TCEANC2: variants seen among roughly 807,000 people sequenced by gnomAD.
TCEANC2 encodes the protein transcription elongation factor A N-terminal and central domain-containing protein 2.
TCEANC2 carries 20 observed loss-of-function variants against 22.8 expected under a neutral mutation model. That is an observed-to-expected ratio of 0.88 (90% confidence interval 0.62 to 1.28). TCEANC2 has a LOEUF of 1.28. TCEANC2 is among the 50% of genes most tolerant of loss of function. The pLI is 0.00. For synonymous variants in TCEANC2, 84 were observed against 95.5 expected (o/e 0.88, Z 0.70); for missense variants, 251 against 249.7 (o/e 1.01, Z -0.03).
At chr1:54,077,882 C>A (rs1658170878) in intron 3 of TCEANC2, among the ~76,000 whole-genome samples, 1 of 152,136 alleles carries the variant, frequency 6.6e-6, no homozygotes, top group African/African-American at 2.4e-5. Flanking sequence ...CCATAAAGCT[C>A]AGCCCTTAGT....
chr1:54,092,011 T>C (rs1257068323), intron 4 of TCEANC2, among the ~76,000 whole-genome samples: 3 of 152,236 alleles, frequency 2.0e-5, no homozygotes, highest in African/African-American at 7.2e-5. Context: ...TATGGGACTA[T>C]TAGTTTTTTC....
rs1461575426 is a variant in TCEANC2 at position 54,103,890 on chromosome 1, GATAGATTATGGGATCT to G, written c.*7432_*7447del. Reference sequence around the variant, plus strand: ...GCTTATAGAATGTTTAATCTACTGGGATAGATTATGGGATCTATAGATTATGGGATAGTCATACAGG... The same window carrying G: ...GCTTATAGAATGTTTAATCTACTGGGATAGATTATGGGATAGTCATACAGG... On this transcript the variant is annotated 3_prime_UTR_variant, in exon 5 of 5. Transcript: ENST00000234827. The G allele has an allele frequency of 2.0e-5, 3 of 152,212 alleles. No individual in the cohort carries two copies. The highest frequency in any genetic ancestry group is 7.2e-5 in the African/African-American group (3 of 41,430). 9.4% of individuals were successfully genotyped at this position (152,212 alleles called of 1,614,324 possible). A position where few individuals can be genotyped will look rare whatever the true frequency, so the allele number is the denominator to read the frequency against.
intron 3 of TCEANC2, among the ~76,000 whole-genome samples, chr1:54,075,099 T>C (rs751353569): frequency 2.0e-5 from 3 of 152,228 alleles, no homozygotes; most frequent in Admixed American, 6.5e-5. Context: ...TTTTATAGAA[T>C]CTATATTCAT....
At chr1:54,073,203 G>A (rs1336005337) in intron 3 of TCEANC2, among the ~76,000 whole-genome samples, 1 of 152,210 alleles carries the variant, frequency 6.6e-6, no homozygotes, top group Non-Finnish European at 1.5e-5. Context: ...CTGTACCCAA[G>A]TGATCCTCCT....
intron 3 of TCEANC2, among the ~76,000 whole-genome samples, chr1:54,070,331 G>T (rs985765614): frequency 6.6e-6 from 1 of 152,114 alleles, no homozygotes; most frequent in Non-Finnish European, 1.5e-5. Context: ...ACATGTATAT[G>T]TGTACATATG....
chr1:54,079,523 T>G (rs1658201138), intron 3 of TCEANC2, among the ~76,000 whole-genome samples: 1 of 152,216 alleles, frequency 6.6e-6, no homozygotes, highest in African/African-American at 2.4e-5. Flanking sequence ...AGTTGCCTTT[T>G]CTAGTTTCTA....
intron 4 of TCEANC2, among the ~76,000 whole-genome samples, chr1:54,094,178 C>T (rs1439613046): frequency 6.6e-6 from 1 of 152,214 alleles, no homozygotes; most frequent in Non-Finnish European, 1.5e-5. Context: ...AGGCAGATAT[C>T]TGGGCCTGGA....
At chr1:54,108,822 A>G (rs1360954501), downstream of TCEANC2, among the ~76,000 whole-genome samples, 1 of 151,958 alleles carries the variant, frequency 6.6e-6, no homozygotes, top group Non-Finnish European at 1.5e-5. Flanking sequence ...AATACAAAAA[A>G]TTAGCCGGGC....
At chr1:54,085,007 T>C (rs565609890) in intron 3 of TCEANC2, among the ~76,000 whole-genome samples, 1 of 152,326 alleles carries the variant, frequency 6.6e-6, no homozygotes, top group South Asian at 2.1e-4. Context: ...GAAGCACCTT[T>C]AGACATTTCT....
intron 4 of TCEANC2, among the ~76,000 whole-genome samples, chr1:54,092,831 T>C (rs923960185): frequency 6.6e-6 from 1 of 152,330 alleles, no homozygotes; most frequent in South Asian, 2.1e-4. Context: ...AAGGTGGTCA[T>C]GTTTTATATC....
intron 3 of TCEANC2, among the ~76,000 whole-genome samples, chr1:54,075,640 T>C (rs1265808251): frequency 6.6e-6 from 1 of 152,180 alleles, no homozygotes; most frequent in African/African-American, 2.4e-5. Context: ...GCTTGGAAAA[T>C]GCCACATTAC....
intron 2 of TCEANC2, among the ~76,000 whole-genome samples, chr1:54,060,003 C>A (rs1657821289): frequency 6.6e-6 from 1 of 152,046 alleles, no homozygotes; most frequent in East Asian, 1.9e-4. Context: ...TGTGGTGGCT[C>A]ATGCCTATAA....
Position 54,094,438 on chromosome 1 carries a change from ACACCTATTT to A in TCEANC2, c.439-1840_439-1832del, listed in dbSNP as rs1369744404. On this transcript the variant is annotated intron_variant, in intron 4 of 4. Transcript: ENST00000234827. ...GCTCAGTGAATTTATCACAAAGTAA[ACACCTATTT>A]CACCTAGCCAGATCCTACTCATGCT... Among the ~76,000 whole-genome samples, 3 of 152,318 alleles carry A rather than the reference ACACCTATTT, an allele frequency of 2.0e-5. No homozygotes were observed. The East Asian group carries it at 5.8e-4, about 29-fold the overall frequency.
chr1:54,054,637 A>G, intron 2 of TCEANC2, 113 bp downstream of exon 2: 1 of 1,058,358 alleles, frequency 9.4e-7, no homozygotes, highest in Non-Finnish European at 1.3e-6. Context: ...CCTCCTCCTC[A>G]AAGTGTACCT....
At chr1:54,055,229 G>A (rs1657728021) in intron 2 of TCEANC2, among the ~76,000 whole-genome samples, 1 of 152,160 alleles carries the variant, frequency 6.6e-6, no homozygotes, top group African/African-American at 2.4e-5. Context: ...GTCTCCCAAA[G>A]TGCTGAGATT....
chr1:54,084,742 G>C (rs908964338), intron 3 of TCEANC2, among the ~76,000 whole-genome samples: 6 of 151,760 alleles, frequency 4.0e-5, no homozygotes, highest in Non-Finnish European at 5.9e-5. Flanking sequence ...ACTGCACTCC[G>C]GCCTGGGTGA....
At position 54,059,092 on chromosome 1, in the gene TCEANC2, G is replaced by A. The variant is rs541837713; in HGVS notation, c.102+4568G>A. On this transcript the variant is annotated intron_variant, in intron 2 of 4. Transcript: ENST00000234827. ...TCTACCCATTTGTCAACCCACTCAA[G>A]AACTACTTTGCCTATAAATCTTAGA... Among the ~76,000 whole-genome samples the A allele has an allele frequency of 2.2e-3, 333 of 151,236 alleles. 2 individuals carry two copies. Among genetic ancestry groups the A allele is most frequent in the African/African-American group, 8.0e-3 (329 of 41,170 alleles).
intron 4 of TCEANC2, among the ~76,000 whole-genome samples, chr1:54,093,285 G>T (rs78402727): frequency 0.035 from 5,281 of 152,208 alleles, 115 homozygotes; most frequent in Middle Eastern, 0.054. Context: ...CCACCCAGAA[G>T]GGCTCACCTA....
chr1:54,090,173 C>G (rs776395201), intron 4 of TCEANC2: 1 of 317,728 alleles, frequency 3.1e-6, no homozygotes, highest in Non-Finnish European at 6.2e-6. Context: ...CACTGTGTAC[C>G]CATTAAGATA....
Sources: allele counts gnomAD v4.1 joint callset (sites outside exome capture counted in the v4.1 genomes callset), GRCh38; gene constraint gnomAD v4.1.1; transcripts MANE v1.5; gene names NCBI Gene and HGNC (gene_info 2026-07-23, HGNC 2026-07-21).